The following DSPP variants were observed in gnomAD, a reference collection of about 807,000 sequenced individuals.
DSPP encodes dentin sialophosphoprotein.
DSPP carries 28 observed loss-of-function variants against 29.1 expected under a neutral mutation model. The ratio of observed to expected loss-of-function variants is 0.96; its 90% CI spans 0.71 to 1.32. The LOEUF (loss-of-function observed/expected upper bound fraction) is 1.32. Ranked by LOEUF, DSPP falls within the 40% of genes most tolerant of loss-of-function variation. The pLI is 0.00. For synonymous variants in DSPP, 481 were observed against 503.4 expected, an observed-to-expected ratio of 0.96 and a Z score of 0.60; for missense variants, 1,281 against 1,629.9, an observed-to-expected ratio of 0.79 and a Z score of 3.69.
Position 87,614,264 on chromosome 4 carries a change from T to A in DSPP, c.1602T>A (p.Asn534Lys). Reference sequence around the variant, plus strand: ...GTAATGGCAATGGTAACAATGGGAATGATGACAATGACAAATCAGACAGTG... The same window carrying A: ...GTAATGGCAATGGTAACAATGGGAAAGATGACAATGACAAATCAGACAGTG... Reference protein sequence around the residue: ...SDSNGNGNNGNDDNDKSDSGK... With the variant: ...SDSNGNGNNGKDDNDKSDSGK... The change falls in exon 5 of 5, where the codon AAT (asparagine) becomes AAA (lysine). Residue 534 changes from asparagine to lysine, a missense_variant. Asn to Lys is a moderately conservative substitution (Grantham distance 94, BLOSUM62 0). This residue lies in a region of DSPP where 631 missense variants were observed against 643.2 expected (regional missense o/e 0.98). Coordinates refer to ENST00000651931, the MANE Select transcript of DSPP (RefSeq NM_014208.3). 1 of 1,614,184 alleles carries A rather than the reference T, an allele frequency of 6.2e-7. No individual in the cohort carries two copies. Among genetic ancestry groups the A allele is most frequent in the Non-Finnish European group, 8.5e-7 (1 of 1,180,034 alleles).
Position 87,614,397 on chromosome 4 carries a change from GAT to G in DSPP, c.1737_1738del (p.Asp579GlufsTer2). On this transcript the variant is annotated frameshift_variant, in exon 5 of 5. Coordinates refer to ENST00000651931, the MANE Select transcript of DSPP (RefSeq NM_014208.3). LOFTEE classifies it low-confidence loss of function (END_TRUNC). The part of the protein sequence containing the change: ...SDSSDSNSSS[D>X]SDSSDSDSSD... ...CAGCAGTGATAGCAACAGTAGCAGT[GAT>G]AGTGACAGCAGTGACAGTGACAGCA... The G allele has an allele frequency of 6.4e-7, 1 of 1,569,192 alleles. No homozygotes were observed. Among genetic ancestry groups the G allele is most frequent in the Non-Finnish European group, 8.6e-7 (1 of 1,157,700 alleles).
chr4:87,610,884 T>TTGATTA lies in DSPP; in HGVS notation c.-23_-18dup, dbSNP rs750508334. On this transcript the variant is annotated 5_prime_UTR_variant, in exon 2 of 5. It adds an upstream start codon to the 5' untranslated region. Coordinates refer to ENST00000651931, the MANE Select transcript of DSPP (RefSeq NM_014208.3). ...GTGCTGTTCCTTTTTTATACAGCCA[T>TTGATTA]TGATTATTATTATTCCTAAAGAAAA... 2.6e-5 allele frequency: 41 copies of TTGATTA among 1,596,258 alleles called. 1 individual carries two copies. In the South Asian group the frequency reaches 4.4e-4, roughly 17 times the overall value.
rs1727952089 is a variant in DSPP at position 87,616,356 on chromosome 4, A to T, written c.3694A>T (p.Asn1232Tyr). 2 of 1,485,832 alleles carry T rather than the reference A, an allele frequency of 1.3e-6. No individual in the cohort carries two copies. Among genetic ancestry groups the T allele is most frequent in the Non-Finnish European group, 1.8e-6 (2 of 1,115,654 alleles). 92.0% of individuals were successfully genotyped at this position (1,485,832 alleles called of 1,614,324 possible). Residue 1232 changes from asparagine to tyrosine, a missense_variant, in exon 5 of 5, where the codon AAT (asparagine) becomes TAT (tyrosine). Coordinates refer to ENST00000651931, the MANE Select transcript of DSPP (RefSeq NM_014208.3). ...TGACAGCAGCGACAGCAGTGACAGC[A>T]ATGAAAGCAGCGACAGCAGTGACAG... ...SSDSSDSSDS[N>Y]ESSDSSDSSD... is the part of the protein sequence containing the mutation.
At chr4:87,612,261 G>A (rs1727748442) in intron 3 of DSPP, 61 bp from the exon 4 acceptor site, 1 of 1,612,236 alleles carries the variant, frequency 6.2e-7, no homozygotes, top group Admixed American at 1.7e-5. Flanking sequence ...CTCCAAGATT[G>A]CAATTTGCTT....
At chr4:87,611,670 G>A (rs1306979325) in intron 2 of DSPP, among the ~76,000 whole-genome samples, 2 of 152,168 alleles carry the variant, frequency 1.3e-5, no homozygotes, top group East Asian at 3.9e-4. Flanking sequence ...CGTAATACTT[G>A]ATTTTGCCTC....
chr4:87,614,532 TCAGA>T lies in DSPP; in HGVS notation c.1874_1877del (p.Asp625AlafsTer688), dbSNP rs781361596. 1 of 1,534,644 alleles carries T rather than the reference TCAGA, an allele frequency of 6.5e-7. No homozygotes were observed. ...TAGTAGTGACAGCAGTGACAGCAAG[TCAGA>T]CAGCAGCAAATCAGAGAGCGACAGC... On this transcript the variant is annotated frameshift_variant, in exon 5 of 5. Coordinates refer to ENST00000651931, the MANE Select transcript of DSPP (RefSeq NM_014208.3). LOFTEE classifies it low-confidence loss of function (END_TRUNC).
intron 2 of DSPP, 24 bp downstream of exon 2, chr4:87,610,983 C>T (rs774487878): frequency 6.8e-6 from 11 of 1,607,376 alleles, no homozygotes. Flanking sequence ...TCTTAGAAAA[C>T]CTCTTCACTT....
chr4:87,612,789 G>A lies in DSPP; in HGVS notation c.603G>A (p.Glu201=). The part of the protein sequence containing the change: ...NSTDNEDEII[E]NSCRNEGNTS... Reference sequence around the variant, plus strand: ...CAGACAATGAGGATGAAATAATTGAGAATTCCTGTAGAAACGAGGGTAATA... The same window carrying A: ...CAGACAATGAGGATGAAATAATTGAAAATTCCTGTAGAAACGAGGGTAATA... The change falls in exon 4 of 5, where the codon GAG becomes GAA. Residue 201 remains glutamate, a synonymous_variant. Coordinates refer to ENST00000651931, the MANE Select transcript of DSPP (RefSeq NM_014208.3). 6.2e-7 allele frequency: 1 copy of A among 1,614,172 alleles called. No individual in the cohort carries two copies. The highest frequency in any genetic ancestry group is 8.5e-7 in the Non-Finnish European group (1 of 1,180,020).
At position 87,613,764 on chromosome 4, in the gene DSPP, C is replaced by T. The variant is rs551942042; in HGVS notation, c.1123-21C>T. On this transcript the variant is annotated intron_variant, in intron 4 of 4. Transcript: ENST00000651931. Reference sequence around the variant, plus strand: ...AGCAAATATTCACTAGTTAATCATTCTTTCCTCCATCCTTCCATAGGGAAT... The same window carrying T: ...AGCAAATATTCACTAGTTAATCATTTTTTCCTCCATCCTTCCATAGGGAAT... 33 of 1,614,086 alleles carry T rather than the reference C, an allele frequency of 2.0e-5. No homozygotes were observed. In the East Asian group the frequency reaches 6.9e-4, roughly 34 times the overall value.
Position 87,614,360 on chromosome 4 carries a change from C to A in DSPP, c.1698C>A (p.Ser566Arg). 6.3e-7 allele frequency: 1 copy of A among 1,594,736 alleles called. No individual in the cohort carries two copies. The highest frequency in any genetic ancestry group is 8.5e-7 in the Non-Finnish European group (1 of 1,170,556). Reference protein sequence around the residue: ...DSSNSSDSSDSSDSDSSDSNS... With the variant: ...DSSNSSDSSDRSDSDSSDSNS... ...GCAATAGCAGTGATAGTAGTGACAG[C>A]AGTGACAGTGACAGCAGTGATAGCA... The change falls in exon 5 of 5, where the codon AGC (serine) becomes AGA (arginine). Residue 566 changes from serine (S) to arginine (R), a missense_variant. Ser to Arg is a moderately radical substitution (Grantham distance 110, BLOSUM62 -1). This residue lies in a region of DSPP where 444 missense variants were observed against 611.4 expected (regional missense o/e 0.73). Transcript: ENST00000651931.
chr4:87,616,666 C>T lies in DSPP; in HGVS notation c.*98C>T, dbSNP rs1727964041. ...AAAGTAAAGAAAGGGGAGAAATAAA[C>T]ATAAGACGTATGTAAACAAAAACAA... On this transcript the variant is annotated 3_prime_UTR_variant, in exon 5 of 5. Transcript: ENST00000651931. The T allele has an allele frequency of 2.6e-6, 4 of 1,531,558 alleles. No homozygotes were observed. The South Asian group carries it at 4.8e-5, about 18-fold the overall frequency. The allele number at this position is 1,531,558 out of a possible 1,614,324, so 94.9% of individuals were successfully genotyped here.
In DSPP at chr4:87,613,086, T is replaced by G. The variant is rs867213356; in HGVS notation, c.900T>G (p.Asp300Glu). The G allele has an allele frequency of 6.2e-7, 1 of 1,613,980 alleles. No individual in the cohort carries two copies. The highest frequency in any genetic ancestry group is 8.5e-7 in the Non-Finnish European group (1 of 1,180,002). The change falls in exon 4 of 5, where the codon GAT becomes GAG. Residue 300 changes from aspartate (D) to glutamate (E), a missense_variant. By Grantham distance (45) the Asp-to-Glu change is conservative. Around this residue, in one of 4 missense-constraint regions of DSPP, gnomAD observed 631 missense variants for 643.2 expected, o/e 0.98. Transcript: ENST00000651931. ...ATAGTAGCATAGGTCAAAATTCAGATAGTAAAGAATATTATGACCCTGAAG... is the reference window on the plus strand; with the variant it reads ...ATAGTAGCATAGGTCAAAATTCAGAGAGTAAAGAATATTATGACCCTGAAG... The part of the protein sequence containing the change: ...DHDSSIGQNS[D>E]SKEYYDPEGK...
rs61738509 is a variant in DSPP, at chr4:87,612,877, C to A, written c.691C>A (p.Pro231Thr). 2.9e-3 allele frequency: 4,719 copies of A among 1,614,108 alleles called. 55 individuals are homozygous for A. In the African/African-American group the frequency reaches 0.029, roughly 10 times the overall value. Residue 231 changes from proline to threonine, a missense_variant, in exon 4 of 5, where the codon CCA (proline) becomes ACA (threonine). By Grantham distance (38) the Pro-to-Thr change is conservative. Coordinates refer to ENST00000651931, the MANE Select transcript of DSPP (RefSeq NM_014208.3). Reference sequence around the variant, plus strand: ...TGGGACTAAGGAAGCTGAGGTAACACCAGGCACTGGAGAAGATGCTGGCCT... The same window carrying A: ...TGGGACTAAGGAAGCTGAGGTAACAACAGGCACTGGAGAAGATGCTGGCCT... Reference protein sequence around the residue: ...RNGTKEAEVTPGTGEDAGLDN... With the variant: ...RNGTKEAEVTTGTGEDAGLDN...
intron 1 of DSPP, among the ~76,000 whole-genome samples, chr4:87,609,234 T>C (rs1250778867): frequency 6.6e-6 from 1 of 152,186 alleles, no homozygotes; most frequent in Non-Finnish European, 1.5e-5. Context: ...ATAACCATCA[T>C]GGAATTGTTC....
In DSPP at chr4:87,616,674, G is replaced by A. The variant is rs755645005; in HGVS notation, c.*106G>A. 20 of 1,500,372 alleles carry A rather than the reference G, an allele frequency of 1.3e-5. No individual in the cohort carries two copies. Among genetic ancestry groups the A allele is most frequent in the Non-Finnish European group, 1.7e-5 (19 of 1,110,536 alleles). 92.9% of individuals were successfully genotyped at this position (1,500,372 alleles called of 1,614,324 possible). ...GAAAGGGGAGAAATAAACATAAGAC[G>A]TATGTAAACAAAAACAACTGGGGGA... On this transcript the variant is annotated 3_prime_UTR_variant, in exon 5 of 5. Transcript: ENST00000651931.
chr4:87,614,229 A>T lies in DSPP; in HGVS notation c.1567A>T (p.Asn523Tyr). 1.2e-6 allele frequency: 2 copies of T among 1,614,278 alleles called. No individual in the cohort carries two copies. Among genetic ancestry groups the T allele is most frequent in the Non-Finnish European group, 1.7e-6 (2 of 1,180,040 alleles). ...CAGTGATAGCACATCAGACACTAAT[A>T]ATAGTGACAGTAATGGCAATGGTAA... is the stretch of plus-strand genomic sequence containing the variant. ...DDSDSTSDTN[N>Y]SDSNGNGNNG... Residue 523 changes from asparagine (N) to tyrosine (Y), a missense_variant, in exon 5 of 5, where the codon AAT becomes TAT. Asn to Tyr is a moderately radical substitution (Grantham distance 143, BLOSUM62 -2). This residue lies in a region of DSPP where 631 missense variants were observed against 643.2 expected (regional missense o/e 0.98). Coordinates refer to ENST00000651931, the MANE Select transcript of DSPP (RefSeq NM_014208.3).
chr4:87,614,143 A>G lies in DSPP; in HGVS notation c.1481A>G (p.Asn494Ser). 1.9e-6 allele frequency: 3 copies of G among 1,614,214 alleles called. No homozygotes were observed. Among genetic ancestry groups the G allele is most frequent in the Non-Finnish European group, 2.5e-6 (3 of 1,180,038 alleles). Residue 494 changes from asparagine (N) to serine (S), a missense_variant, in exon 5 of 5, where the codon AAC becomes AGC. Around this residue, in one of 4 missense-constraint regions of DSPP, gnomAD observed 631 missense variants for 643.2 expected, o/e 0.98. Transcript: ENST00000651931. Reference sequence around the variant, plus strand: ...AGTAGCCGAGGAGATGCTTCTTATAACTCTGATGAATCAAAAGATAATGGC... The same window carrying G: ...AGTAGCCGAGGAGATGCTTCTTATAGCTCTGATGAATCAAAAGATAATGGC... The part of the protein sequence containing the change: ...NSSSRGDASY[N>S]SDESKDNGNG...
rs61738519 is a variant in DSPP, at chr4:87,616,470, G to A, written c.3808G>A (p.Asp1270Asn). ...DSTSDSNDES[D>N]SQSKSGNGNN... ...CACATCTGACAGCAATGATGAGAGT[G>A]ACAGCCAGAGCAAGTCTGGTAACGG... is the stretch of plus-strand genomic sequence containing the variant. The change falls in exon 5 of 5, where the codon GAC (aspartate) becomes AAC (asparagine). Residue 1270 changes from aspartate to asparagine, a missense_variant. Asp to Asn is a conservative substitution (Grantham distance 23, BLOSUM62 1). Around this residue, in one of 4 missense-constraint regions of DSPP, gnomAD observed 134 missense variants for 185.0 expected, o/e 0.72. Transcript: ENST00000651931. 909 of 1,551,744 alleles carry A rather than the reference G, an allele frequency of 5.9e-4. 8 individuals are homozygous for A. In the African/African-American group the frequency reaches 0.011, roughly 19 times the overall value.
chr4:87,616,187 T>C lies in DSPP; in HGVS notation c.3525T>C (p.Ser1175=), dbSNP rs375444673. ...SSDSSDSSDS[S]DSSNSSDSSD... ...ACAGCAGCGACAGCAGCGATAGCAGTGACAGCAGCAATAGCAGTGATAGCA... is the reference window on the plus strand; with the variant it reads ...ACAGCAGCGACAGCAGCGATAGCAGCGACAGCAGCAATAGCAGTGATAGCA... The change falls in exon 5 of 5, where the codon AGT becomes AGC. Residue 1175 remains serine, a synonymous_variant. Coordinates refer to ENST00000651931, the MANE Select transcript of DSPP (RefSeq NM_014208.3). The C allele has an allele frequency of 1.2e-3, 1,842 of 1,528,110 alleles. 114 individuals carry two copies. Among genetic ancestry groups the C allele is most frequent in the African/African-American group, 7.7e-3 (517 of 67,426 alleles). 94.7% of individuals were successfully genotyped at this position (1,528,110 alleles called of 1,614,324 possible).
Sources: allele counts gnomAD v4.1 joint callset (sites outside exome capture counted in the v4.1 genomes callset), GRCh38; gene constraint gnomAD v4.1.1; regional missense constraint gnomAD v4.1.1; transcripts MANE v1.5; gene names NCBI Gene and HGNC (gene_info 2026-07-23, HGNC 2026-07-21).